ZNF518A: variants seen among roughly 807,000 people sequenced by gnomAD.
The protein encoded by ZNF518A is zinc finger protein 518.
A neutral mutation model predicts 102.7 loss-of-function variants in ZNF518A; 47 were observed. The observed-to-expected ratio is 0.46, with a 90% CI of 0.36 to 0.58. The LOEUF is 0.58. Ranked by LOEUF, ZNF518A falls within the 20% of genes least tolerant of loss-of-function variation. The pLI is 0.00. For synonymous variants in ZNF518A, 652 were observed against 594.6 expected, an observed-to-expected ratio of 1.10 and a Z score of -1.40; for missense variants, 1,793 against 1,699.8, an observed-to-expected ratio of 1.05 and a Z score of -0.96.
In ZNF518A at chr10:96,163,715, AAATG is replaced by A. The variant is rs1468983448; in HGVS notation, c.*2945_*2948del. The stretch of plus-strand genomic sequence containing the variant: ...CAGAAAAAAACCATAGACAATATGT[AAATG>A]AATTAGTGTGGCTATGTTTTAATAA... On this transcript the variant is annotated 3_prime_UTR_variant, in exon 6 of 6. Transcript: ENST00000316045. The A allele has an allele frequency of 6.0e-6, 1 of 167,058 alleles. No homozygotes were observed. The highest frequency in any genetic ancestry group is 2.4e-5 in the African/African-American group (1 of 41,456). The allele number at this position is 167,058 out of a possible 1,614,324, so 10.3% of individuals were successfully genotyped here. A position where few individuals can be genotyped will look rare whatever the true frequency, so the allele number is the denominator to read the frequency against.
rs1448797245 is a variant in ZNF518A, at chr10:96,130,494, A to G, written c.-711A>G. Among the ~76,000 whole-genome samples the G allele has an allele frequency of 1.3e-5, 2 of 152,154 alleles. No individual in the cohort carries two copies. Among genetic ancestry groups the G allele is most frequent in the East Asian group, 1.9e-4 (1 of 5,178 alleles). ...TCCGCGCTCCCCGCGGGGCAGCCGA[A>G]CCCCGGAGGAAGGGGCGGATCGGGC... On this transcript the variant is annotated 5_prime_UTR_variant, in exon 1 of 6. Transcript: ENST00000316045.
intron 1 of ZNF518A, among the ~76,000 whole-genome samples, chr10:96,171,934 C>T (rs2083176182): frequency 6.6e-6 from 1 of 151,842 alleles, no homozygotes; most frequent in Non-Finnish European, 1.5e-5. Flanking sequence ...ATGGAACCCC[C>T]AATAAGATTA....
At position 96,160,720 on chromosome 10, in the gene ZNF518A, T is replaced by C. The variant is rs781919975; in HGVS notation, c.4398T>C (p.Gly1466=). 1.9e-5 allele frequency: 31 copies of C among 1,609,232 alleles called. No homozygotes were observed. Among genetic ancestry groups the C allele is most frequent in the Non-Finnish European group, 2.5e-5 (30 of 1,178,258 alleles). Residue 1466 remains glycine (G), a synonymous_variant, in exon 6 of 6, where the codon GGT becomes GGC. Transcript: ENST00000316045. ...TTGACAATCAGGATACTTGGGCTGG[T>C]CATGGGCAGAGACATTTAATGGAAG... ...RVFDNQDTWA[G]HGQRHLMEAT... is the part of the protein sequence containing the mutation.
chr10:96,158,161 A>G lies in ZNF518A; in HGVS notation c.1839A>G (p.Gly613=). The G allele has an allele frequency of 6.2e-7, 1 of 1,613,578 alleles. No individual in the cohort carries two copies. Among genetic ancestry groups the G allele is most frequent in the Non-Finnish European group, 8.5e-7 (1 of 1,179,678 alleles). Residue 613 remains glycine, a synonymous_variant, in exon 6 of 6, where the codon GGA becomes GGG. Coordinates refer to ENST00000316045, the MANE Select transcript of ZNF518A (RefSeq NM_001330736.2). ...CCAAACCAAATGCATACAACAGTGG[A>G]GATATGCATAATTATTGCATTAATT... ...CVAKPNAYNS[G]DMHNYCINYG... is the part of the protein sequence containing the mutation.
chr10:96,182,741 A>T (rs1198626409), intron 1 of ZNF518A, among the ~76,000 whole-genome samples: 1 of 152,186 alleles, frequency 6.6e-6, no homozygotes, highest in East Asian at 1.9e-4. Context: ...TATTTTATTG[A>T]GGATTTTTGC....
chr10:96,183,299 G>C (rs782487862), intron 1 of ZNF518A, among the ~76,000 whole-genome samples: 1 of 151,792 alleles, frequency 6.6e-6, no homozygotes, highest in South Asian at 2.1e-4. Context: ...AGGTTTTTTT[G>C]TGTCTTTAAC....
At chr10:96,175,652 C>T (rs944289983) in intron 1 of ZNF518A, among the ~76,000 whole-genome samples, 1 of 152,160 alleles carries the variant, frequency 6.6e-6, no homozygotes, top group African/African-American at 2.4e-5. Flanking sequence ...GATTGTCATG[C>T]ATCTCATATA....
intron 3 of ZNF518A, among the ~76,000 whole-genome samples, chr10:96,141,047 T>C (rs1554876333): frequency 6.6e-6 from 1 of 152,158 alleles, no homozygotes; most frequent in African/African-American, 2.4e-5. Flanking sequence ...TGAAGTTTGC[T>C]AGAAAGTGAT....
At chr10:96,186,017 A>G (rs1373599149) in intron 1 of ZNF518A, among the ~76,000 whole-genome samples, 1 of 152,212 alleles carries the variant, frequency 6.6e-6, no homozygotes. Flanking sequence ...TGGGCGTGGG[A>G]CCTGCTGAGC....
chr10:96,156,398 G>T lies in ZNF518A; in HGVS notation c.76G>T (p.Glu26Ter). The change falls in exon 6 of 6, where the codon GAG becomes TAG. Residue 26 changes from glutamate to a stop codon, truncating the protein, a stop_gained. Coordinates refer to ENST00000316045, the MANE Select transcript of ZNF518A (RefSeq NM_001330736.2). LOFTEE classifies it high-confidence loss of function. ...TLKKDYDVKN[E>*]IVDRSAPKPK... Reference sequence around the variant, plus strand: ...AAAAAAAGATTATGATGTGAAAAATGAGATAGTTGATAGGTCGGCACCTAA... The same window carrying T: ...AAAAAAAGATTATGATGTGAAAAATTAGATAGTTGATAGGTCGGCACCTAA... 6.2e-7 allele frequency: 1 copy of T among 1,604,510 alleles called. No homozygotes were observed. The highest frequency in any genetic ancestry group is 1.1e-5 in the South Asian group (1 of 87,948).
In ZNF518A at chr10:96,160,135, A is replaced by G; in HGVS notation, c.3813A>G (p.Val1271=). 1.8e-5 allele frequency: 29 copies of G among 1,610,278 alleles called. No individual in the cohort carries two copies. Among genetic ancestry groups the G allele is most frequent in the Non-Finnish European group, 2.4e-5 (28 of 1,178,704 alleles). ...HGSKDSETAF[V]SRNRNCKRKC... is the part of the protein sequence containing the mutation. ...GTAAAGACTCTGAAACTGCCTTTGT[A>G]TCTAGAAACAGAAACTGTAAACGAA... The change falls in exon 6 of 6, where the codon GTA becomes GTG. Residue 1271 remains valine (V), a synonymous_variant. Coordinates refer to ENST00000316045, the MANE Select transcript of ZNF518A (RefSeq NM_001330736.2).
intron 3 of ZNF518A, among the ~76,000 whole-genome samples, chr10:96,154,977 G>A (rs2082629397): frequency 6.6e-6 from 1 of 152,040 alleles, no homozygotes; most frequent in Admixed American, 6.6e-5. Context: ...GAGACCTTTG[G>A]ATAGACATTA....
intron 3 of ZNF518A, among the ~76,000 whole-genome samples, chr10:96,142,265 G>A (rs938634400): frequency 2.7e-5 from 4 of 150,846 alleles, no homozygotes; most frequent in African/African-American, 9.8e-5. Flanking sequence ...TTATTTTGAG[G>A]GCACTAAAAT....
chr10:96,141,620 G>T (rs1273991811), intron 3 of ZNF518A, among the ~76,000 whole-genome samples: 2 of 152,070 alleles, frequency 1.3e-5, no homozygotes, highest in Non-Finnish European at 2.9e-5. Flanking sequence ...AATATCAATT[G>T]CATACCAGAA....
intron 1 of ZNF518A, among the ~76,000 whole-genome samples, chr10:96,193,058 G>A (rs2083368589): frequency 6.6e-6 from 1 of 152,062 alleles, no homozygotes; most frequent in Admixed American, 6.6e-5. Flanking sequence ...TCAGAATATT[G>A]GCCAACATTT....
intron 1 of ZNF518A, chr10:96,197,175 T>C: frequency 1.3e-6 from 1 of 771,210 alleles, no homozygotes; most frequent in Non-Finnish European, 2.0e-6. Flanking sequence ...AGGTAAATTA[T>C]TTAGCTACAT....
At chr10:96,203,832 C>T (rs2083721758) in intron 2 of ZNF518A, 2 of 392,410 alleles carry the variant, frequency 5.1e-6, no homozygotes, top group African/African-American at 2.1e-5. Context: ...AATATTAAAT[C>T]GCTACTAAAA....
chr10:96,133,602 G>T lies in ZNF518A; in HGVS notation c.-348G>T, dbSNP rs962257617. ...GGATAGGTCCTGGGATCTTTGAAAT[G>T]CTAAGATTCTTGGATACCACAGTAT... is the stretch of plus-strand genomic sequence containing the variant. On this transcript the variant is annotated 5_prime_UTR_variant, in exon 3 of 6. The change abolishes an upstream ATG in the 5' untranslated region. Transcript: ENST00000316045. 1.3e-5 allele frequency: 2 copies of T among 152,176 alleles called. No individual in the cohort carries two copies. The highest frequency in any genetic ancestry group is 4.8e-5 in the African/African-American group (2 of 41,446). The allele number at this position is 152,176 out of a possible 1,614,324, so 9.4% of individuals were successfully genotyped here.
intron 1 of ZNF518A, chr10:96,201,150 G>A: frequency 8.6e-7 from 1 of 1,160,856 alleles, no homozygotes; most frequent in Non-Finnish European, 1.3e-6. Context: ...GGTGCTGCCA[G>A]GGACACATCC....
Sources: allele counts gnomAD v4.1 joint callset (sites outside exome capture counted in the v4.1 genomes callset), GRCh38; gene constraint gnomAD v4.1.1; transcripts MANE v1.5; gene names NCBI Gene and HGNC (gene_info 2026-07-23, HGNC 2026-07-21).